CLSTN2: variants seen among roughly 807,000 people sequenced by gnomAD.
CLSTN2 encodes the protein calsyntenin-2.
In CLSTN2, 48 loss-of-function variants were observed where a neutral mutation model predicts 101.2. The ratio of observed to expected loss-of-function variants is 0.47; its 90% confidence interval spans 0.38 to 0.60. The LOEUF is 0.60. Ranked by LOEUF, CLSTN2 falls within the 20% of genes least tolerant of loss-of-function variation. The pLI is 0.00. For synonymous variants in CLSTN2, 481 were observed against 463.6 expected, an observed-to-expected ratio of 1.04 and a Z score of -0.48; for missense variants, 1,160 against 1,238.2, an observed-to-expected ratio of 0.94 and a Z score of 0.95.
chr3:140,032,625 C>T (rs1033493802), intron 1 of CLSTN2, among the ~76,000 whole-genome samples: 2 of 152,140 alleles, frequency 1.3e-5, no homozygotes, highest in African/African-American at 4.8e-5. Flanking sequence ...GCGTGTACCA[C>T]CATGCCCAGC....
At chr3:140,333,823 C>A (rs985438) in intron 2 of CLSTN2, among the ~76,000 whole-genome samples, 86,045 of 151,292 alleles carry the variant, frequency 0.57, 25,005 homozygotes, top group Non-Finnish European at 0.64. Flanking sequence ...TGAACAGATT[C>A]TATAGAAAGT....
At chr3:140,373,718 C>G (rs1277086394) in intron 2 of CLSTN2, among the ~76,000 whole-genome samples, 1 of 152,192 alleles carries the variant, frequency 6.6e-6, no homozygotes, top group Non-Finnish European at 1.5e-5. Context: ...CATACACCAT[C>G]ATGTGTGAGG....
intron 2 of CLSTN2, among the ~76,000 whole-genome samples, chr3:140,236,931 A>G (rs1028640630): frequency 4.0e-4 from 60 of 151,456 alleles, no homozygotes; most frequent in Non-Finnish European, 8.2e-4. Flanking sequence ...CATATGGAAT[A>G]TATTTATAAT....
intron 2 of CLSTN2, among the ~76,000 whole-genome samples, chr3:140,301,304 G>A (rs906311140): frequency 6.6e-6 from 1 of 152,140 alleles, no homozygotes; most frequent in African/African-American, 2.4e-5. Flanking sequence ...TTTACTTAAT[G>A]TATTTTTAAT....
intron 5 of CLSTN2, 108 bp downstream of exon 5, chr3:140,421,382 A>T: frequency 7.7e-7 from 1 of 1,294,662 alleles, no homozygotes; most frequent in Non-Finnish European, 1.1e-6. Flanking sequence ...AAGTACAGTC[A>T]CTTTGCTGTG....
intron 1 of CLSTN2, among the ~76,000 whole-genome samples, chr3:140,017,305 G>C (rs559576293): frequency 6.6e-6 from 1 of 152,328 alleles, no homozygotes; most frequent in South Asian, 2.1e-4. Flanking sequence ...TGTTTCCTAT[G>C]CATGCTGTGA....
intron 2 of CLSTN2, among the ~76,000 whole-genome samples, chr3:140,228,832 G>A (rs2086346519): frequency 6.6e-6 from 1 of 152,116 alleles, no homozygotes; most frequent in African/African-American, 2.4e-5. Context: ...ACTATCATGA[G>A]AACAGAGCAG....
intron 1 of CLSTN2, among the ~76,000 whole-genome samples, chr3:140,163,864 G>T (rs2010090623): frequency 6.6e-6 from 1 of 151,768 alleles, no homozygotes; most frequent in Admixed American, 6.6e-5. Context: ...GGTGGCTTCT[G>T]GTTAGCTATG....
At chr3:139,937,761 A>ACAAT (rs1157435643) in intron 1 of CLSTN2, among the ~76,000 whole-genome samples, 2 of 151,928 alleles carry the variant, frequency 1.3e-5, no homozygotes, top group African/African-American at 4.8e-5. Flanking sequence ...AAACAAACAA[A>ACAAT]CAAACAAACT....
intron 1 of CLSTN2, among the ~76,000 whole-genome samples, chr3:140,044,996 T>A (rs2007842890): frequency 6.6e-6 from 1 of 152,206 alleles, no homozygotes; most frequent in Admixed American, 6.5e-5. Context: ...ATTATCTTTT[T>A]TGGTTGTGTC....
chr3:140,027,266 C>A (rs931493061), intron 1 of CLSTN2, among the ~76,000 whole-genome samples: 1 of 152,044 alleles, frequency 6.6e-6, no homozygotes, highest in Non-Finnish European at 1.5e-5. Context: ...GGAAAGAGAA[C>A]CTTTGCAGAT....
chr3:140,240,199 T>TATAC lies in CLSTN2; in HGVS notation c.232+64127_232+64128insTACA, dbSNP rs1467063459. Among the ~76,000 whole-genome samples the TATAC allele has an allele frequency of 4.1e-3, 64 of 15,434 alleles. 2 individuals carry two copies. Among genetic ancestry groups the TATAC allele is most frequent in the African/African-American group, 7.4e-3 (59 of 7,996 alleles). 10.1% of individuals were successfully genotyped at this position (15,434 alleles called of 152,430 possible). A position where few individuals can be genotyped will look rare whatever the true frequency, so the allele number is the denominator to read the frequency against. On this transcript the variant is annotated intron_variant, in intron 2 of 16. Coordinates refer to ENST00000458420, the MANE Select transcript of CLSTN2 (RefSeq NM_022131.3). ...CTATATATATATATATATATATATATACACACACACACACACACACACATA... is the reference window on the plus strand; with the variant it reads ...CTATATATATATATATATATATATATATACACACACACACACACACACACACATA...
chr3:140,224,397 T>C (rs1245855705), intron 2 of CLSTN2, among the ~76,000 whole-genome samples: 2 of 152,244 alleles, frequency 1.3e-5, no homozygotes, highest in African/African-American at 4.8e-5. Context: ...TTTAGTCATT[T>C]AGCTAGTGTT....
intron 1 of CLSTN2, among the ~76,000 whole-genome samples, chr3:140,141,428 G>C (rs1366075019): frequency 2.6e-5 from 4 of 152,246 alleles, no homozygotes; most frequent in Non-Finnish European, 5.9e-5. Context: ...AGGAGTGACA[G>C]AGATAGACAG....
intron 2 of CLSTN2, among the ~76,000 whole-genome samples, chr3:140,211,786 C>T (rs576866407): frequency 6.6e-6 from 1 of 151,970 alleles, no homozygotes; most frequent in African/African-American, 2.4e-5. Context: ...TCAAACTAGA[C>T]TTTAACCTCC....
intron 1 of CLSTN2, among the ~76,000 whole-genome samples, chr3:140,154,649 T>TG (rs1489639443): frequency 1.4e-5 from 2 of 139,010 alleles, no homozygotes; most frequent in African/African-American, 5.5e-5. Context: ...CCCTTTTTTT[T>TG]TTTTTTTTTT....
intron 2 of CLSTN2, among the ~76,000 whole-genome samples, chr3:140,292,463 C>G (rs908352606): frequency 1.3e-5 from 2 of 152,192 alleles, no homozygotes; most frequent in African/African-American, 4.8e-5. Context: ...TTACTGTGTC[C>G]TGAGTGACTC....
At chr3:140,230,438 C>A (rs116739577) in intron 2 of CLSTN2, among the ~76,000 whole-genome samples, 1 of 152,056 alleles carries the variant, frequency 6.6e-6, no homozygotes, top group Admixed American at 6.5e-5. Flanking sequence ...TTTGTTTTTC[C>A]AAAATTTATA....
chr3:140,551,302 C>A (rs371460240), intron 10 of CLSTN2, among the ~76,000 whole-genome samples: 93 of 152,292 alleles, frequency 6.1e-4, no homozygotes, highest in African/African-American at 2.2e-3. Flanking sequence ...TCTCTGCTCA[C>A]AGGGACAAGC....
Sources: gnomAD v4.1 joint callset for allele counts (sites outside exome capture counted in the v4.1 genomes callset) on GRCh38, gnomAD v4.1.1 for gene constraint, MANE v1.5 for transcripts, NCBI Gene and HGNC (gene_info 2026-07-23, HGNC 2026-07-21) for gene names.